The following ELL variants were observed in gnomAD, a reference collection of about 807,000 sequenced individuals.
The protein encoded by ELL is RNA polymerase II elongation factor ELL.
ELL carries 18 observed loss-of-function variants against 64.0 expected under a neutral mutation model. That is an observed-to-expected ratio of 0.28 (90% CI 0.19 to 0.42). The LOEUF (loss-of-function observed/expected upper bound fraction) is 0.42. ELL is among the 10% of genes least tolerant of loss of function. The pLI is 1.00. For missense variants in ELL, 797 were observed against 870.4 expected (o/e 0.92, Z 1.06); for synonymous variants, 399 against 376.2 (o/e 1.06, Z -0.70).
In ELL at chr19:18,442,821, T is replaced by TA. The variant is rs1600412762; in HGVS notation, c.*1930dup. 5 of 216,876 alleles carry TA rather than the reference T, an allele frequency of 2.3e-5. No individual in the cohort carries two copies. The East Asian group carries it at 3.4e-4, about 15-fold the overall frequency. The allele number at this position is 216,876 out of a possible 1,614,324, so 13.4% of individuals were successfully genotyped here. A position where few individuals can be genotyped will look rare whatever the true frequency, so the allele number is the denominator to read the frequency against. On this transcript the variant is annotated 3_prime_UTR_variant, in exon 12 of 12. Coordinates refer to ENST00000262809, the MANE Select transcript of ELL (RefSeq NM_006532.4). ...TTTTGGCAAAAGTGGAAAGTTCTTGTAAACACCAACCCCATGGCTCAAAAT... is the reference window on the plus strand; with the variant it reads ...TTTTGGCAAAAGTGGAAAGTTCTTGTAAAACACCAACCCCATGGCTCAAAAT...
At position 18,479,708 on chromosome 19, in the gene ELL, C is replaced by CAAA. The variant is rs60371809; in HGVS notation, c.136-6829_136-6827dup. 8.7e-3 allele frequency among the ~76,000 whole-genome samples: 631 copies of CAAA among 72,770 alleles called. 42 individuals carry two copies. The highest frequency in any genetic ancestry group is 0.029 in the African/African-American group (539 of 18,384). 47.7% of individuals were successfully genotyped at this position (72,770 alleles called of 152,430 possible). A position where few individuals can be genotyped will look rare whatever the true frequency, so the allele number is the denominator to read the frequency against. On this transcript the variant is annotated intron_variant, in intron 1 of 11. Coordinates refer to ENST00000262809, the MANE Select transcript of ELL (RefSeq NM_006532.4). ...TGCACGACAGAGTGAGACTCCATCT[C>CAAA]AAAAAAAAAAAAAAAAAAAAATCTA...
At chr19:18,463,497 G>C (rs1174864365) in intron 4 of ELL, among the ~76,000 whole-genome samples, 1 of 151,890 alleles carries the variant, frequency 6.6e-6, no homozygotes, top group Non-Finnish European at 1.5e-5. Flanking sequence ...ACCACAACTG[G>C]CTAATTTTTG....
chr19:18,520,441 T>C (rs962034396), intron 1 of ELL, among the ~76,000 whole-genome samples: 3 of 152,048 alleles, frequency 2.0e-5, no homozygotes, highest in African/African-American at 7.2e-5. Flanking sequence ...CTTAGCCTCA[T>C]CTTGGGGAGT....
chr19:18,511,430 G>A (rs1212187746), intron 1 of ELL, among the ~76,000 whole-genome samples: 2 of 152,042 alleles, frequency 1.3e-5, no homozygotes. Context: ...TCTACTTCTG[G>A]GTATGTATCC....
chr19:18,508,599 A>G (rs1420584632), intron 1 of ELL, among the ~76,000 whole-genome samples: 2 of 152,224 alleles, frequency 1.3e-5, no homozygotes, highest in Non-Finnish European at 2.9e-5. Context: ...GCCTGGCCCC[A>G]CGACAGTGGT....
chr19:18,518,792 A>G (rs1047567460), intron 1 of ELL, among the ~76,000 whole-genome samples: 4 of 147,922 alleles, frequency 2.7e-5, no homozygotes, highest in Non-Finnish European at 4.5e-5. Flanking sequence ...CCCTGTCTCA[A>G]AAAAAAAAAA....
intron 1 of ELL, among the ~76,000 whole-genome samples, chr19:18,490,230 C>T (rs1975499938): frequency 6.9e-6 from 1 of 144,440 alleles, no homozygotes; most frequent in African/African-American, 2.5e-5. Context: ...CTATTATCCA[C>T]ATACTTAGAT....
intron 4 of ELL, 125 bp from the exon 5 acceptor site, chr19:18,461,977 C>T: frequency 7.8e-7 from 1 of 1,281,030 alleles, no homozygotes; most frequent in Non-Finnish European, 1.1e-6. Flanking sequence ...CCACACCAAC[C>T]ACAGCAAAAG....
At chr19:18,458,370 G>A (rs1974727102) in intron 5 of ELL, 41 bp from the exon 6 acceptor site, 3 of 1,594,640 alleles carry the variant, frequency 1.9e-6, no homozygotes, top group Non-Finnish European at 2.6e-6. Context: ...GGAATCCTGA[G>A]AGAGACGGGG....
At chr19:18,446,187 A>C in intron 10 of ELL, 122 bp downstream of exon 10, 1 of 1,219,544 alleles carries the variant, frequency 8.2e-7, no homozygotes. Context: ...CAGGGGGAGA[A>C]GCGCTGCCTG....
chr19:18,479,729 A>AAAAAAAG (rs1238810193), intron 1 of ELL, among the ~76,000 whole-genome samples: 1 of 151,144 alleles, frequency 6.6e-6, no homozygotes, highest in South Asian at 2.1e-4. Flanking sequence ...AAAAAAAAAA[A>AAAAAAAG]TCTAGGATTG....
Position 18,461,651 on chromosome 19 carries a change from T to C in ELL, c.671A>G (p.Glu224Gly). 1.2e-6 allele frequency: 2 copies of C among 1,612,510 alleles called. No individual in the cohort carries two copies. The highest frequency in any genetic ancestry group is 1.7e-6 in the Non-Finnish European group (2 of 1,179,980). Residue 224 changes from glutamate to glycine, a missense_variant, in exon 5 of 12, where the codon GAG becomes GGG. Physicochemically the swap from Glu to Gly is moderately conservative, Grantham distance 98 (BLOSUM62 -2). Coordinates refer to ENST00000262809, the MANE Select transcript of ELL (RefSeq NM_006532.4). The stretch of plus-strand genomic sequence containing the variant: ...GTCCTTCTGCAGTCGCAGCAGCAGC[T>C]CAGCCTTGCGGTAGGGCCGTAGTGC... ...LLALRPYRKA[E>G]LLLRLQKDGL...
intron 1 of ELL, among the ~76,000 whole-genome samples, chr19:18,502,068 T>A (rs1378694542): frequency 6.6e-6 from 1 of 152,092 alleles, no homozygotes; most frequent in African/African-American, 2.4e-5. Context: ...GCACCTGGCA[T>A]GGGGACAAGG....
At chr19:18,469,561 A>G (rs1006339728) in intron 2 of ELL, among the ~76,000 whole-genome samples, 2 of 152,228 alleles carry the variant, frequency 1.3e-5, no homozygotes, top group Non-Finnish European at 2.9e-5. Context: ...TGGGGCCCTC[A>G]GATGGCCCAC....
In ELL at chr19:18,465,874, C is replaced by A. The variant is rs779903495; in HGVS notation, c.228G>T (p.Thr76=). ...CGATGTTGGAGAGGTAGAAGGAGAA[C>A]GTCCGCGCCTCTGCGGGGCAGTCAG... ...PQPDCPAEAR[T]FSFYLSNIGR... The change falls in exon 3 of 12, where the codon ACG becomes ACT. Residue 76 remains threonine (T), a synonymous_variant. Coordinates refer to ENST00000262809, the MANE Select transcript of ELL (RefSeq NM_006532.4). 16 of 1,333,684 alleles carry A rather than the reference C, an allele frequency of 1.2e-5. No individual in the cohort carries two copies. The highest frequency in any genetic ancestry group is 1.5e-5 in the Non-Finnish European group (16 of 1,033,064). 82.6% of individuals were successfully genotyped at this position (1,333,684 alleles called of 1,614,324 possible).
At chr19:18,509,993 C>T (rs953991752) in intron 1 of ELL, among the ~76,000 whole-genome samples, 3 of 152,252 alleles carry the variant, frequency 2.0e-5, no homozygotes, top group African/African-American at 4.8e-5. Flanking sequence ...ACCTGCAGGG[C>T]TCAGAAGTCC....
chr19:18,510,606 G>A (rs891714189), intron 1 of ELL, among the ~76,000 whole-genome samples: 8 of 152,090 alleles, frequency 5.3e-5, no homozygotes, highest in African/African-American at 1.9e-4. Context: ...GGGCATCAGA[G>A]GCCCTGCAGG....
chr19:18,475,590 A>T (rs1291509322), intron 1 of ELL, among the ~76,000 whole-genome samples: 1 of 152,252 alleles, frequency 6.6e-6, no homozygotes, highest in East Asian at 1.9e-4. Flanking sequence ...CAGTAGCCCA[A>T]ATGTCCGTCA....
intron 1 of ELL, among the ~76,000 whole-genome samples, chr19:18,474,591 G>A (rs936219648): frequency 6.6e-6 from 1 of 152,226 alleles, no homozygotes; most frequent in Non-Finnish European, 1.5e-5. Context: ...CACTGTCCAT[G>A]GTGCAACACG....
Sources: allele counts gnomAD v4.1 joint callset (sites outside exome capture counted in the v4.1 genomes callset), GRCh38; gene constraint gnomAD v4.1.1; transcripts MANE v1.5; gene names NCBI Gene and HGNC (gene_info 2026-07-23, HGNC 2026-07-21).